SIMC1: variants seen among roughly 807,000 people sequenced by gnomAD.
SIMC1 encodes SUMO-interacting motif-containing protein 1.
A neutral mutation model predicts 82.3 loss-of-function variants in SIMC1; 55 were observed. The ratio of observed to expected loss-of-function variants is 0.67; its 90% CI spans 0.54 to 0.84. SIMC1 has a LOEUF of 0.84. Among genes scored for constraint, SIMC1 ranks in the 40% least tolerant of loss-of-function variants. The pLI is 0.00. For synonymous variants in SIMC1, 353 were observed against 426.3 expected (o/e 0.83, Z 2.12); for missense variants, 915 against 1,107.2 (o/e 0.83, Z 2.46).
At chr5:176,281,218 C>T (rs1224216266) in intron 1 of SIMC1, among the ~76,000 whole-genome samples, 1 of 152,248 alleles carries the variant, frequency 6.6e-6, no homozygotes, top group Non-Finnish European at 1.5e-5. Flanking sequence ...TCCAGTTGAT[C>T]ACATCAGCTC....
chr5:176,258,447 A>G (rs889246520), intron 1 of SIMC1, among the ~76,000 whole-genome samples: 10 of 150,662 alleles, frequency 6.6e-5, no homozygotes, highest in Admixed American at 4.7e-4. Flanking sequence ...CCAGGTTTCC[A>G]AGGGAACATC....
rs185438972 is a variant in SIMC1, at chr5:176,328,430, G to A, written c.2171+3673G>A. The stretch of plus-strand genomic sequence containing the variant: ...AAAGGTACTGGGCTCGGTGGTAATG[G>A]TGGCAGTGGTGGTGGTGGTGGTAAA... On this transcript the variant is annotated intron_variant, in intron 7 of 9. Coordinates refer to ENST00000429602, the MANE Select transcript of SIMC1 (RefSeq NM_001308195.2). Among the ~76,000 whole-genome samples the A allele has an allele frequency of 4.8e-3, 727 of 152,046 alleles. 10 individuals carry two copies. Among genetic ancestry groups the A allele is most frequent in the African/African-American group, 0.016 (667 of 41,446 alleles).
intron 7 of SIMC1, among the ~76,000 whole-genome samples, chr5:176,332,479 G>T (rs550685666): frequency 1.3e-5 from 2 of 152,068 alleles, no homozygotes; most frequent in South Asian, 4.2e-4. Context: ...TAGTAGAGAC[G>T]GGGTTTCTCC....
chr5:176,342,354 CATCTA>C (rs560704065), intron 9 of SIMC1, among the ~76,000 whole-genome samples: 155 of 152,320 alleles, frequency 1.0e-3, no homozygotes, highest in African/African-American at 3.5e-3. Flanking sequence ...CTTCCAATCT[CATCTA>C]GTACTTGTCT....
At chr5:176,271,669 A>G (rs1260065708) in intron 1 of SIMC1, among the ~76,000 whole-genome samples, 4 of 151,500 alleles carry the variant, frequency 2.6e-5, no homozygotes, top group African/African-American at 4.8e-5. Flanking sequence ...TAGCACAACA[A>G]GGTGACTACA....
At chr5:176,315,806 G>A (rs1182919825) in intron 5 of SIMC1, among the ~76,000 whole-genome samples, 2 of 152,088 alleles carry the variant, frequency 1.3e-5, no homozygotes, top group African/African-American at 4.8e-5. Context: ...AAGATTAAAT[G>A]TTAATAATTT....
chr5:176,279,530 T>C (rs1762881570), intron 1 of SIMC1, among the ~76,000 whole-genome samples: 1 of 151,264 alleles, frequency 6.6e-6, no homozygotes, highest in South Asian at 2.1e-4. Context: ...TGAATGTGTT[T>C]GCTCTTGCTT....
At chr5:176,275,637 G>A (rs945132342) in intron 1 of SIMC1, among the ~76,000 whole-genome samples, 7 of 151,820 alleles carry the variant, frequency 4.6e-5, no homozygotes, top group East Asian at 1.9e-4. Context: ...ATTATTTTGA[G>A]ATACGTCCCA....
At chr5:176,249,037 A>C (rs1254865365) in intron 1 of SIMC1, among the ~76,000 whole-genome samples, 2 of 152,172 alleles carry the variant, frequency 1.3e-5, no homozygotes, top group Non-Finnish European at 2.9e-5. Context: ...ATCGATGTTC[A>C]TCAGAGATAA....
intron 1 of SIMC1, among the ~76,000 whole-genome samples, chr5:176,256,826 T>G (rs1761863085): frequency 6.6e-6 from 1 of 152,196 alleles, no homozygotes; most frequent in African/African-American, 2.4e-5. Context: ...CATTGTAGCC[T>G]TGAACTCCTG....
chr5:176,253,721 T>C (rs1194346924), intron 1 of SIMC1, among the ~76,000 whole-genome samples: 1 of 152,222 alleles, frequency 6.6e-6, no homozygotes, highest in Non-Finnish European at 1.5e-5. Context: ...ATCAGTTCCA[T>C]AGGTGTTTCC....
chr5:176,285,975 G>C (rs1218984868), intron 1 of SIMC1, among the ~76,000 whole-genome samples: 1 of 152,140 alleles, frequency 6.6e-6, no homozygotes, highest in South Asian at 2.1e-4. Flanking sequence ...ACTGCTCAAC[G>C]AAATAAAAGA....
chr5:176,323,828 A>C (rs1661514017), intron 6 of SIMC1, among the ~76,000 whole-genome samples: 1 of 152,066 alleles, frequency 6.6e-6, no homozygotes, highest in Non-Finnish European at 1.5e-5. Context: ...CTACTAAAAA[A>C]ATACAAAAAA....
intron 7 of SIMC1, among the ~76,000 whole-genome samples, chr5:176,329,721 A>G (rs574806048): frequency 2.0e-5 from 3 of 152,318 alleles, no homozygotes; most frequent in African/African-American, 7.2e-5. Context: ...TCGCAGAGAT[A>G]TAGATATACA....
chr5:176,330,864 A>G (rs1337017036), intron 7 of SIMC1, among the ~76,000 whole-genome samples: 2 of 152,208 alleles, frequency 1.3e-5, no homozygotes, highest in African/African-American at 4.8e-5. Context: ...CAAGATACTT[A>G]TTTATTACAA....
intron 6 of SIMC1, among the ~76,000 whole-genome samples, chr5:176,323,878 C>T (rs1383098262): frequency 6.6e-6 from 1 of 151,898 alleles, no homozygotes; most frequent in Non-Finnish European, 1.5e-5. Context: ...GTCCCAGCTA[C>T]TCAGGAGACT....
At chr5:176,248,870 G>T (rs2113112942) in intron 1 of SIMC1, among the ~76,000 whole-genome samples, 1 of 152,242 alleles carries the variant, frequency 6.6e-6, no homozygotes, top group South Asian at 2.1e-4. Context: ...TAATCATGTG[G>T]TTTCTGTCAT....
Position 176,315,575 on chromosome 5 carries a change from T to C in SIMC1, c.1889+1730T>C, listed in dbSNP as rs115265111. Among the ~76,000 whole-genome samples, 903 of 152,326 alleles carry C rather than the reference T, an allele frequency of 5.9e-3. 8 individuals are homozygous for C. The highest frequency in any genetic ancestry group is 0.02 in the African/African-American group (840 of 41,564). On this transcript the variant is annotated intron_variant, in intron 5 of 9. Coordinates refer to ENST00000429602, the MANE Select transcript of SIMC1 (RefSeq NM_001308195.2). ...CTTACTAGAAGGGTGTACCAGCGTC[T>C]CTTTGTTCAGAGCAGCATTGAAACT...
intron 1 of SIMC1, among the ~76,000 whole-genome samples, chr5:176,265,600 A>T (rs1324648543): frequency 6.6e-6 from 1 of 152,126 alleles, no homozygotes; most frequent in African/African-American, 2.4e-5. Context: ...AGGGTTAATT[A>T]GGAGGCCTGT....
Sources: allele counts gnomAD v4.1 joint callset (sites outside exome capture counted in the v4.1 genomes callset), GRCh38; gene constraint gnomAD v4.1.1; transcripts MANE v1.5; gene names NCBI Gene and HGNC (gene_info 2026-07-23, HGNC 2026-07-21).